Variants in PEX5 observed in about 807,000 individuals in gnomAD.
The protein encoded by PEX5 is PTS1 receptor.
A neutral mutation model predicts 82.9 loss-of-function variants in PEX5; 52 were observed. The observed-to-expected ratio is 0.63, with a 90% CI of 0.50 to 0.79. The LOEUF is 0.79. PEX5 is among the 30% of genes least tolerant of loss of function. PEX5 has a pLI of 0.00. For missense variants in PEX5, 719 were observed against 815.2 expected (o/e 0.88, Z 1.44); for synonymous variants, 300 against 318.8 (o/e 0.94, Z 0.63).
chr12:7,208,403 T>A, intron 12 of PEX5, 54 bp from the exon 13 acceptor site: 1 of 1,367,574 alleles, frequency 7.3e-7, no homozygotes, highest in Non-Finnish European at 1.0e-6. Context: ...GGTGCTCACA[T>A]GTGCCAGTGT....
Position 7,208,598 on chromosome 12 carries a change from A to T in PEX5, c.1323A>T (p.Thr441=). The T allele has an allele frequency of 6.2e-7, 1 of 1,614,142 alleles. No homozygotes were observed. The highest frequency in any genetic ancestry group is 1.1e-5 in the South Asian group (1 of 91,080). The change falls in exon 13 of 16, where the codon ACA becomes ACT. Residue 441 remains threonine, a synonymous_variant. Transcript: ENST00000675855. ...RYTPAYAHLV[T]PAEEGAGGAG... The stretch of plus-strand genomic sequence containing the variant: ...CACCAGCCTATGCCCATCTGGTGAC[A>T]CCTGCTGAAGAAGGGGCTGGTGGGG...
chr12:7,196,995 TGTA>T lies in PEX5; in HGVS notation c.449-2015_449-2013del, dbSNP rs1352417574. Among the ~76,000 whole-genome samples, 13 of 20,708 alleles carry T rather than the reference TGTA, an allele frequency of 6.3e-4. 6 individuals are homozygous for T. Among genetic ancestry groups the T allele is most frequent in the African/African-American group, 1.3e-3 (13 of 10,294 alleles). 13.6% of individuals were successfully genotyped at this position (20,708 alleles called of 152,430 possible). Reference sequence around the variant, plus strand: ...TAATAATTATATATGTCACATATAATGTAATAATTATATATGTCACATATAATG... The same window carrying T: ...TAATAATTATATATGTCACATATAATATAATTATATATGTCACATATAATG... On this transcript the variant is annotated intron_variant, in intron 5 of 15. Transcript: ENST00000675855.
chr12:7,204,511 C>G (rs1301252468), intron 10 of PEX5, among the ~76,000 whole-genome samples: 3 of 152,184 alleles, frequency 2.0e-5, no homozygotes, highest in African/African-American at 7.2e-5. Context: ...CTGGATTTTT[C>G]TAACTATCCT....
intron 6 of PEX5, among the ~76,000 whole-genome samples, chr12:7,201,291 G>A (rs1943969759): frequency 8.9e-6 from 1 of 112,424 alleles, no homozygotes; most frequent in African/African-American, 2.8e-5. Context: ...AGACATACAT[G>A]TATACACACA....
In PEX5 at chr12:7,199,116, G is replaced by T; in HGVS notation, c.551+3G>T. The T allele has an allele frequency of 6.5e-7, 1 of 1,527,936 alleles. No individual in the cohort carries two copies. The highest frequency in any genetic ancestry group is 1.2e-5 in the South Asian group (1 of 85,956). The allele number at this position is 1,527,936 out of a possible 1,614,324, so 94.6% of individuals were successfully genotyped here. On this transcript the variant is annotated splice_donor_region_variant and intron_variant, in intron 6 of 15. Transcript: ENST00000675855. The stretch of plus-strand genomic sequence containing the variant: ...GAGGGAACAGCCACCGATCGCTGGT[G>T]AGTTCAGATACCTCTTTCCGAATCC...
intron 6 of PEX5, 87 bp from the exon 7 acceptor site, chr12:7,201,664 C>T: frequency 1.0e-6 from 1 of 953,562 alleles, no homozygotes; most frequent in Non-Finnish European, 1.7e-6. Context: ...CTCACAGGAA[C>T]TGTCATTGTC....
chr12:7,199,191 G>A (rs1591720135), intron 6 of PEX5, 78 bp downstream of exon 6: 4 of 702,334 alleles, frequency 5.7e-6, no homozygotes, highest in East Asian at 3.0e-5. Flanking sequence ...CCACGTTCTC[G>A]AACCAACTTA....
At chr12:7,208,941 A>AT in intron 13 of PEX5, 64 bp from the exon 14 acceptor site, 1 of 1,410,392 alleles carries the variant, frequency 7.1e-7, no homozygotes, top group Non-Finnish European at 1.0e-6. Flanking sequence ...GAAGAAATTA[A>AT]TTTGGGGGGA....
rs971400240 is a variant in PEX5 at position 7,207,749 on chromosome 12, A to C, written c.1057A>C (p.Asn353His). 6.2e-7 allele frequency: 1 copy of C among 1,614,166 alleles called. No individual in the cohort carries two copies. The highest frequency in any genetic ancestry group is 1.7e-5 in the Admixed American group (1 of 60,028). ...GCGCCTTCAGGAGGGGGACCTGCCA[A>C]ATGCTGTGCTGCTTTTTGAGGCAGC... ...LRRLQEGDLPNAVLLFEAAVQ... is the reference protein window; with the variant it reads ...LRRLQEGDLPHAVLLFEAAVQ... The change falls in exon 11 of 16, where the codon AAT (asparagine) becomes CAT (histidine). Residue 353 changes from asparagine (N) to histidine (H), a missense_variant. Transcript: ENST00000675855.
At chr12:7,202,111 C>G in intron 7 of PEX5, 130 bp from the exon 8 acceptor site, 5 of 1,429,514 alleles carry the variant, frequency 3.5e-6, no homozygotes, top group Non-Finnish European at 3.9e-6. Flanking sequence ...CTTTTAGGGT[C>G]TTTAGCATAT....
rs879850304 is a variant in PEX5 at position 7,203,226 on chromosome 12, T to C, written c.847-206T>C. Among the ~76,000 whole-genome samples, 1,119 of 14,350 alleles carry C rather than the reference T, an allele frequency of 0.078. 285 individuals are homozygous for C. The highest frequency in any genetic ancestry group is 0.2 in the Admixed American group (187 of 936). 9.4% of individuals were successfully genotyped at this position (14,350 alleles called of 152,430 possible). On this transcript the variant is annotated intron_variant, in intron 9 of 15. Coordinates refer to ENST00000675855, the MANE Select transcript of PEX5 (RefSeq NM_001351132.2). ...CTGCACTGCACTGCACTGCACTACATTACATTTCTGGCCATCACCCCAGAC... is the reference window on the plus strand; with the variant it reads ...CTGCACTGCACTGCACTGCACTACACTACATTTCTGGCCATCACCCCAGAC...
rs148417349 is a variant in PEX5, at chr12:7,202,257, G to T, written c.659G>T (p.Arg220Leu). Residue 220 changes from arginine to leucine, a missense_variant, in exon 8 of 16, where the codon CGG becomes CTG. Transcript: ENST00000675855. Reference protein sequence around the residue: ...LANSEFLKFVRQIGEGQVSLE... With the variant: ...LANSEFLKFVLQIGEGQVSLE... ...GTGCCCCAGTTCCTGAAATTCGTGC[G>T]GCAGATTGGCGAAGGGCAGGTGTCC... 1 of 1,614,060 alleles carries T rather than the reference G, an allele frequency of 6.2e-7. No individual in the cohort carries two copies. Among genetic ancestry groups the T allele is most frequent in the South Asian group, 1.1e-5 (1 of 91,082 alleles).
chr12:7,189,714 T>A lies in PEX5; in HGVS notation c.-53T>A, dbSNP rs770339670. 1.5e-5 allele frequency: 5 copies of A among 341,364 alleles called. No homozygotes were observed. The highest frequency in any genetic ancestry group is 9.4e-5 in the East Asian group (2 of 21,166). 21.1% of individuals were successfully genotyped at this position (341,364 alleles called of 1,614,324 possible). On this transcript the variant is annotated 5_prime_UTR_variant, in exon 1 of 16. Transcript: ENST00000675855. ...TTCTCCCCTCCCCCAAGCCAGCACC[T>A]GGTGCCCCGGCGGGTCGTGCGGCGC... is the stretch of plus-strand genomic sequence containing the variant.
downstream of PEX5, among the ~76,000 whole-genome samples, chr12:7,213,594 T>G (rs1362448644): frequency 2.7e-5 from 4 of 147,944 alleles, no homozygotes; most frequent in East Asian, 3.9e-4. Context: ...ATTAAAGACT[T>G]ACATGTTAGA....
At chr12:7,202,071 C>A in intron 7 of PEX5, 170 bp from the exon 8 acceptor site, 1 of 1,065,952 alleles carries the variant, frequency 9.4e-7, no homozygotes, top group Non-Finnish European at 1.4e-6. Flanking sequence ...TCTTTAGAGC[C>A]AGAAATCCCT....
At chr12:7,215,737 C>T (rs1293422113), downstream of PEX5, among the ~76,000 whole-genome samples, 4 of 151,926 alleles carry the variant, frequency 2.6e-5, no homozygotes, top group African/African-American at 9.7e-5. Context: ...CTGCAGACTA[C>T]CAGAGAGGTG....
intron 17 of PEX5, chr12:7,218,317 G>A (rs895603113): frequency 1.3e-5 from 2 of 152,140 alleles, no homozygotes; most frequent in African/African-American, 2.4e-5. Context: ...TTCTAGAGAC[G>A]GGCAAACTAT....
chr12:7,199,047 A>T lies in PEX5; in HGVS notation c.485A>T (p.Glu162Val). ...GTGTCCCCTGCCCGCTGGGCTGAGG[A>T]ATATTTGGAGCAATCAGAGGAGAAG... ...LSVSPARWAEEYLEQSEEKLW... is the reference protein window; with the variant it reads ...LSVSPARWAEVYLEQSEEKLW... The change falls in exon 6 of 16, where the codon GAA becomes GTA. Residue 162 changes from glutamate to valine, a missense_variant. Glu to Val is a moderately radical substitution (Grantham distance 121, BLOSUM62 -2). Coordinates refer to ENST00000675855, the MANE Select transcript of PEX5 (RefSeq NM_001351132.2). The T allele has an allele frequency of 6.2e-7, 1 of 1,609,818 alleles. No homozygotes were observed. Among genetic ancestry groups the T allele is most frequent in the South Asian group, 1.1e-5 (1 of 90,258 alleles).
Position 7,209,007 on chromosome 12 carries a change from C to A in PEX5, c.1397C>A (p.Ser466Tyr), listed in dbSNP as rs760926568. Reference sequence around the variant, plus strand: ...GTGTTTTTTTCCTTTTCATCCAGCTCCCTGTTTCTTGAAGTGAAAGAGCTC... The same window carrying A: ...GTGTTTTTTTCCTTTTCATCCAGCTACCTGTTTCTTGAAGTGAAAGAGCTC... Reference protein sequence around the residue: ...KRILGSLLSDSLFLEVKELFL... With the variant: ...KRILGSLLSDYLFLEVKELFL... The change falls in exon 14 of 16, where the codon TCC becomes TAC. Residue 466 changes from serine (S) to tyrosine (Y), a missense_variant and splice_region_variant. By Grantham distance (144) the Ser-to-Tyr change is moderately radical. Transcript: ENST00000675855. 1.2e-6 allele frequency: 2 copies of A among 1,613,956 alleles called. No individual in the cohort carries two copies. The highest frequency in any genetic ancestry group is 2.2e-5 in the East Asian group (1 of 44,872).
Sources: allele counts gnomAD v4.1 joint callset (sites outside exome capture counted in the v4.1 genomes callset), GRCh38; gene constraint gnomAD v4.1.1; transcripts MANE v1.5; gene names NCBI Gene and HGNC (gene_info 2026-07-23, HGNC 2026-07-21).